The following RAB27B variants were observed in gnomAD, a reference collection of about 807,000 sequenced individuals.
RAB27B encodes the protein ras-related protein Rab-27B.
Under a neutral mutation model 24.6 loss-of-function variants are expected in RAB27B, and 15 were observed. The observed-to-expected ratio is 0.61, with a 90% CI of 0.41 to 0.94. The LOEUF is 0.94. Among genes scored for constraint, RAB27B ranks in the 40% least tolerant of loss-of-function variants. The pLI is 0.00. For missense variants in RAB27B, 261 were observed against 266.8 expected (o/e 0.98, Z 0.15); for synonymous variants, 105 against 92.5 (o/e 1.14, Z -0.78).
At chr18:54,842,960 A>G (rs1419772892) in intron 1 of RAB27B, among the ~76,000 whole-genome samples, 3 of 152,004 alleles carry the variant, frequency 2.0e-5, no homozygotes, top group Admixed American at 2.0e-4. Context: ...ACGCCCAGCT[A>G]ATTTTTTTGT....
At chr18:54,797,894 T>G (rs1289809657) in intron 2 of RAB27B, among the ~76,000 whole-genome samples, 2 of 152,228 alleles carry the variant, frequency 1.3e-5, no homozygotes, top group Non-Finnish European at 2.9e-5. Context: ...CAACTTGTAG[T>G]TCTCAATACT....
intron 1 of RAB27B, among the ~76,000 whole-genome samples, chr18:54,844,531 C>T (rs777254489): frequency 2.0e-5 from 3 of 151,500 alleles, no homozygotes; most frequent in South Asian, 2.1e-4. Context: ...CTCACCCTCC[C>T]GAGTAGCTGG....
intron 2 of RAB27B, chr18:54,745,281 T>C: frequency 5.5e-6 from 1 of 182,364 alleles, no homozygotes. Context: ...TGGGAAGTTC[T>C]GCATAAGCAT....
At chr18:54,776,257 G>A (rs763599512) in intron 2 of RAB27B, among the ~76,000 whole-genome samples, 7 of 152,196 alleles carry the variant, frequency 4.6e-5, no homozygotes, top group Non-Finnish European at 8.8e-5. Flanking sequence ...CATCCCTTCC[G>A]CACACTTTTC....
chr18:54,795,553 G>A (rs1397129777), intron 2 of RAB27B, among the ~76,000 whole-genome samples: 2 of 152,164 alleles, frequency 1.3e-5, no homozygotes, highest in African/African-American at 4.8e-5. Flanking sequence ...AGAATGGTTA[G>A]GAAGCAATCA....
chr18:54,882,083 A>G (rs1431019015), intron 3 of RAB27B, among the ~76,000 whole-genome samples: 1 of 152,166 alleles, frequency 6.6e-6, no homozygotes, highest in Non-Finnish European at 1.5e-5. Flanking sequence ...AAGGAATGGT[A>G]GAAACAAATC....
rs147601526 is a variant in RAB27B at position 54,767,430 on chromosome 18, A to G, written c.-20+49289A>G. ...ATGGTCATGAGGGTATTTAATTGCC[A>G]TAGTTATTCAACTGTGTATTTTTGA... On this transcript the variant is annotated intron_variant, in intron 2 of 4. Transcript: ENST00000586570. 1.9e-3 allele frequency among the ~76,000 whole-genome samples: 292 copies of G among 152,322 alleles called. 2 individuals carry two copies. Among genetic ancestry groups the G allele is most frequent in the African/African-American group, 6.4e-3 (266 of 41,584 alleles).
intron 2 of RAB27B, among the ~76,000 whole-genome samples, chr18:54,783,526 T>C (rs1908983850): frequency 6.6e-6 from 1 of 151,874 alleles, no homozygotes; most frequent in Non-Finnish European, 1.5e-5. Flanking sequence ...GCATAATACA[T>C]AGTGATTATT....
At chr18:54,762,558 A>C (rs2145053236) in intron 2 of RAB27B, among the ~76,000 whole-genome samples, 1 of 152,280 alleles carries the variant, frequency 6.6e-6, no homozygotes, top group African/African-American at 2.4e-5. Flanking sequence ...GGCAATCCAA[A>C]GCACAATCCT....
chr18:54,790,070 A>G (rs1232959031), intron 2 of RAB27B, among the ~76,000 whole-genome samples: 1 of 152,146 alleles, frequency 6.6e-6, no homozygotes, highest in Non-Finnish European at 1.5e-5. Context: ...AAATTAATGA[A>G]GTTGAGCAAT....
intron 1 of RAB27B, among the ~76,000 whole-genome samples, chr18:54,867,232 G>A (rs1334716332): frequency 1.3e-5 from 2 of 151,986 alleles, no homozygotes; most frequent in Non-Finnish European, 2.9e-5. Context: ...AGTGGGAGAG[G>A]TACCTCTAAA....
At chr18:54,751,120 A>G (rs936734413) in intron 2 of RAB27B, among the ~76,000 whole-genome samples, 5 of 152,052 alleles carry the variant, frequency 3.3e-5, no homozygotes, top group Non-Finnish European at 7.4e-5. Context: ...TACCTTTTAC[A>G]CTCTGGCAGT....
intron 2 of RAB27B, among the ~76,000 whole-genome samples, chr18:54,792,813 G>T (rs531264002): frequency 2.2e-4 from 33 of 152,302 alleles, no homozygotes; most frequent in Middle Eastern, 3.4e-3. Flanking sequence ...TAAAGTTCCG[G>T]TAGTACTCAT....
Position 54,884,328 on chromosome 18 carries a change from G to A in RAB27B, c.240-5G>A. On this transcript the variant is annotated splice_polypyrimidine_tract_variant and splice_region_variant and intron_variant, in intron 3 of 5. Coordinates refer to ENST00000262094, the MANE Select transcript of RAB27B (RefSeq NM_004163.4). ...TCAGAACTACCCACTGTGTTTCCTT[G>A]GCAGGTTCCGGAGTCTCACCACTGC... The A allele has an allele frequency of 2.5e-6, 4 of 1,589,782 alleles. No homozygotes were observed. Among genetic ancestry groups the A allele is most frequent in the Non-Finnish European group, 3.5e-6 (4 of 1,158,504 alleles).
chr18:54,795,296 T>G (rs1169499298), intron 2 of RAB27B, among the ~76,000 whole-genome samples: 1 of 148,786 alleles, frequency 6.7e-6, no homozygotes, highest in African/African-American at 2.4e-5. Context: ...ATTTACCCCA[T>G]AGCAACAAGG....
intron 2 of RAB27B, among the ~76,000 whole-genome samples, chr18:54,760,671 G>A (rs1050205622): frequency 6.6e-6 from 1 of 152,042 alleles, no homozygotes; most frequent in Non-Finnish European, 1.5e-5. Flanking sequence ...GATGCTACAG[G>A]GTAACGTAAC....
intron 1 of RAB27B, among the ~76,000 whole-genome samples, chr18:54,839,941 G>A (rs2145198595): frequency 6.6e-6 from 1 of 152,206 alleles, no homozygotes; most frequent in South Asian, 2.1e-4. Flanking sequence ...AATAATAGTT[G>A]CTTTGTCATG....
At chr18:54,772,663 T>C (rs1358677339) in intron 2 of RAB27B, among the ~76,000 whole-genome samples, 1 of 152,154 alleles carries the variant, frequency 6.6e-6, no homozygotes, top group East Asian at 1.9e-4. Context: ...CAGTCTCTTT[T>C]ATTAATTATT....
intron 2 of RAB27B, among the ~76,000 whole-genome samples, chr18:54,790,783 A>G (rs888385735): frequency 1.3e-5 from 2 of 152,198 alleles, no homozygotes; most frequent in Non-Finnish European, 2.9e-5. Context: ...TGCCCTGGAA[A>G]ATTATGACTT....
Sources: gnomAD v4.1 joint callset for allele counts (sites outside exome capture counted in the v4.1 genomes callset) on GRCh38, gnomAD v4.1.1 for gene constraint, MANE v1.5 for transcripts, NCBI Gene and HGNC (gene_info 2026-07-23, HGNC 2026-07-21) for gene names.